APP: variants seen among roughly 807,000 people sequenced by gnomAD.
The protein encoded by APP is amyloid-beta precursor protein.
APP carries 31 observed loss-of-function variants against 101.4 expected under a neutral mutation model. The observed-to-expected ratio is 0.31, with a 90% confidence interval of 0.23 to 0.41. The LOEUF (loss-of-function observed/expected upper bound fraction) is 0.41, where lower values mean the gene tolerates loss of function less well. Ranked by LOEUF, APP falls within the 10% of genes least tolerant of loss-of-function variation. The pLI, the probability that APP is intolerant of heterozygous loss-of-function variation, is 1.00. For missense variants in APP, 839 were observed against 1,003.7 expected (o/e 0.84, Z 2.22); for synonymous variants, 366 against 364.4 (o/e 1.00, Z -0.05).
chr21:26,070,404 T>C (rs2046625642), intron 3 of APP, among the ~76,000 whole-genome samples: 1 of 152,152 alleles, frequency 6.6e-6, no homozygotes, highest in African/African-American at 2.4e-5. Context: ...TTTAAGTACA[T>C]TAAGGCTTCC....
At chr21:25,947,642 G>A (rs2040879786) in intron 13 of APP, among the ~76,000 whole-genome samples, 1 of 152,158 alleles carries the variant, frequency 6.6e-6, no homozygotes, top group Non-Finnish European at 1.5e-5. Flanking sequence ...GGGAAAATAT[G>A]AATAAGGAGC....
chr21:26,027,909 C>G (rs1287454567), intron 5 of APP, among the ~76,000 whole-genome samples: 1 of 152,112 alleles, frequency 6.6e-6, no homozygotes, highest in African/African-American at 2.4e-5. Flanking sequence ...AAATTCATGA[C>G]TCAGGCCTGA....
chr21:25,933,387 G>A (rs1176331700), intron 13 of APP, among the ~76,000 whole-genome samples: 3 of 152,216 alleles, frequency 2.0e-5, no homozygotes, highest in Non-Finnish European at 4.4e-5. Context: ...ATAGGTGTAA[G>A]CCATCGTGCC....
In APP at chr21:25,982,333, G is replaced by C; in HGVS notation, c.1224+11C>G. The C allele has an allele frequency of 6.2e-7, 1 of 1,613,608 alleles. No homozygotes were observed. The highest frequency in any genetic ancestry group is 8.5e-7 in the Non-Finnish European group (1 of 1,179,678). ...TATCGTAGGGCTGAATGATGGAAGA[G>C]CCAGACTTACCTGGGACATTCTCTC... On this transcript the variant is annotated intron_variant, in intron 9 of 17. Coordinates refer to ENST00000346798, the MANE Select transcript of APP (RefSeq NM_000484.4).
chr21:26,047,112 G>A (rs2045643393), intron 5 of APP, among the ~76,000 whole-genome samples: 1 of 152,104 alleles, frequency 6.6e-6, no homozygotes, highest in Admixed American at 6.5e-5. Context: ...AACACTACCT[G>A]TTTTGCCTAT....
intron 1 of APP, among the ~76,000 whole-genome samples, chr21:26,154,155 C>T (rs1193722484): frequency 6.6e-6 from 1 of 152,162 alleles, no homozygotes; most frequent in Non-Finnish European, 1.5e-5. Context: ...TGGGTAAGAA[C>T]TATGGGCACA....
At chr21:26,146,575 A>G (rs1472239375) in intron 1 of APP, among the ~76,000 whole-genome samples, 1 of 152,158 alleles carries the variant, frequency 6.6e-6, no homozygotes, top group East Asian at 1.9e-4. Flanking sequence ...ACATAAAATT[A>G]TAGAATTGAA....
At chr21:25,887,533 A>C (rs950250120) in intron 17 of APP, among the ~76,000 whole-genome samples, 7 of 151,412 alleles carry the variant, frequency 4.6e-5, no homozygotes, top group African/African-American at 7.3e-5. Flanking sequence ...AAAAAAAAAA[A>C]AAAAAAACAA....
At chr21:26,109,237 T>A (rs1227975379) in intron 2 of APP, among the ~76,000 whole-genome samples, 1 of 152,202 alleles carries the variant, frequency 6.6e-6, no homozygotes, top group African/African-American at 2.4e-5. Flanking sequence ...TGGCTCTGTG[T>A]CCCTACCCAA....
chr21:25,956,121 T>C (rs1380748952), intron 11 of APP, among the ~76,000 whole-genome samples: 2 of 152,308 alleles, frequency 1.3e-5, no homozygotes, highest in African/African-American at 4.8e-5. Context: ...TGAGACTACA[T>C]TGCTACGTGT....
intron 5 of APP, among the ~76,000 whole-genome samples, chr21:26,044,801 A>T (rs1354423511): frequency 1.3e-5 from 2 of 152,180 alleles, no homozygotes. Flanking sequence ...GGCCTCCCAA[A>T]GTGCTGGGAT....
chr21:26,108,825 A>G (rs2062243673), intron 2 of APP, among the ~76,000 whole-genome samples: 1 of 152,190 alleles, frequency 6.6e-6, no homozygotes, highest in Admixed American at 6.5e-5. Context: ...CAGAGGTTGC[A>G]GTGAGCTGAG....
chr21:26,104,205 TCATCTCCGAATAC>T (rs777356535), intron 2 of APP, among the ~76,000 whole-genome samples: 50 of 121,454 alleles, frequency 4.1e-4, no homozygotes, highest in Non-Finnish European at 7.1e-4. Context: ...CCCAAAGGTA[TCATCTCCGAATAC>T]CATCTCCGAA....
At chr21:26,160,164 T>C (rs974834524) in intron 1 of APP, among the ~76,000 whole-genome samples, 8 of 152,126 alleles carry the variant, frequency 5.3e-5, no homozygotes, top group East Asian at 1.9e-4. Context: ...CCCTCAGGAA[T>C]TCCCCCCTCT....
chr21:26,024,877 G>T (rs1053808133), intron 5 of APP, among the ~76,000 whole-genome samples: 2 of 152,218 alleles, frequency 1.3e-5, no homozygotes, highest in East Asian at 3.8e-4. Context: ...AAGAAGTTTA[G>T]CATGTGGCTA....
intron 3 of APP, among the ~76,000 whole-genome samples, chr21:26,072,854 A>T (rs547529873): frequency 6.6e-6 from 1 of 152,308 alleles, no homozygotes; most frequent in South Asian, 2.1e-4. Flanking sequence ...TTTATCCCAA[A>T]TGGTACTCAG....
chr21:26,080,326 G>A (rs17514385), intron 3 of APP, among the ~76,000 whole-genome samples: 9,182 of 152,090 alleles, frequency 0.06, 366 homozygotes, highest in Non-Finnish European at 0.091. Flanking sequence ...AATAGTGCTG[G>A]AATTTCCTAT....
At chr21:26,170,532 C>T in intron 1 of APP, 32 bp downstream of exon 1, 1 of 1,535,382 alleles carries the variant, frequency 6.5e-7, no homozygotes, top group Non-Finnish European at 8.7e-7. Context: ...CACCGTGCAG[C>T]CTCCCCCCGC....
intron 3 of APP, among the ~76,000 whole-genome samples, chr21:26,054,079 A>G (rs2045941909): frequency 6.6e-6 from 1 of 152,224 alleles, no homozygotes; most frequent in Non-Finnish European, 1.5e-5. Context: ...TGTTTACTGC[A>G]ATATTCCCAG....
Sources: allele counts gnomAD v4.1 joint callset (sites outside exome capture counted in the v4.1 genomes callset), GRCh38; gene constraint gnomAD v4.1.1; transcripts MANE v1.5; gene names NCBI Gene and HGNC (gene_info 2026-07-23, HGNC 2026-07-21).